The following CDS2 variants were observed in gnomAD, a reference collection of about 807,000 sequenced individuals.
CDS2 encodes the protein CDP-diacylglycerol synthase 2.
CDS2 carries 47 observed loss-of-function variants against 59.0 expected under a neutral mutation model. The ratio of observed to expected loss-of-function variants is 0.80; its 90% CI spans 0.63 to 1.02. The LOEUF (loss-of-function observed/expected upper bound fraction) is 1.02, where lower values mean the gene tolerates loss of function less well. Ranked by LOEUF, CDS2 falls within the 50% of genes least tolerant of loss-of-function variation. The pLI, the probability that CDS2 is intolerant of heterozygous loss-of-function variation, is 0.00. For missense variants in CDS2, 356 were observed against 558.9 expected (o/e 0.64, Z 3.66); for synonymous variants, 207 against 206.4 (o/e 1.00, Z -0.02).
intron 1 of CDS2, among the ~76,000 whole-genome samples, chr20:5,131,458 A>G (rs139282424): frequency 6.6e-6 from 1 of 152,334 alleles, no homozygotes; most frequent in African/African-American, 2.4e-5. Context: ...AGGATGAGAT[A>G]TGGTCTGAAA....
intron 1 of CDS2, among the ~76,000 whole-genome samples, chr20:5,151,163 A>G (rs6053162): frequency 0.027 from 4,062 of 152,320 alleles, 74 homozygotes; most frequent in East Asian, 0.08. Flanking sequence ...TAGTGTTGAA[A>G]TGCCACCTTA....
In CDS2 at chr20:5,193,012, G is replaced by C. The variant is rs1291197371; in HGVS notation, c.*2778G>C. ...AGCTTTCCTTCCCTCTAGCTCAGGA[G>C]GCCTGGCCTGAGCCAGGTTGGAGCT... On this transcript the variant is annotated 3_prime_UTR_variant, in exon 13 of 13. Transcript: ENST00000460006. 1 of 152,254 alleles carries C rather than the reference G, an allele frequency of 6.6e-6. No homozygotes were observed. The highest frequency in any genetic ancestry group is 1.5e-5 in the Non-Finnish European group (1 of 68,078). The allele number at this position is 152,254 out of a possible 1,614,324, so 9.4% of individuals were successfully genotyped here. A position where few individuals can be genotyped will look rare whatever the true frequency, so the allele number is the denominator to read the frequency against.
In CDS2 at chr20:5,178,832, T is replaced by G; in HGVS notation, c.405T>G (p.Cys135Trp). The G allele has an allele frequency of 6.2e-7, 1 of 1,614,218 alleles. No individual in the cohort carries two copies. The highest frequency in any genetic ancestry group is 1.7e-5 in the Admixed American group (1 of 60,030). ...FRTLSWYFLL[C>W]VNYFFYGETV... Reference sequence around the variant, plus strand: ...TCATTTACAGGTACTTTCTCCTGTGTGTAAACTATTTCTTCTATGGTGAGA... The same window carrying G: ...TCATTTACAGGTACTTTCTCCTGTGGGTAAACTATTTCTTCTATGGTGAGA... Residue 135 changes from cysteine (C) to tryptophan (W), a missense_variant, in exon 5 of 13, where the codon TGT becomes TGG. Transcript: ENST00000460006.
At chr20:5,169,178 A>G (rs1600499366) in intron 1 of CDS2, among the ~76,000 whole-genome samples, 2 of 152,182 alleles carry the variant, frequency 1.3e-5, no homozygotes, top group Non-Finnish European at 2.9e-5. Flanking sequence ...GCGGTGGTTG[A>G]GAGAGAACCT....
intron 1 of CDS2, among the ~76,000 whole-genome samples, chr20:5,134,176 C>T (rs1001077016): frequency 9.2e-5 from 14 of 152,188 alleles, no homozygotes; most frequent in African/African-American, 2.4e-4. Flanking sequence ...AAGGCACTCC[C>T]GGCGCAGTGC....
At chr20:5,176,480 T>C (rs905690711) in intron 3 of CDS2, 168 bp from the exon 4 acceptor site, 4 of 620,928 alleles carry the variant, frequency 6.4e-6, no homozygotes, top group African/African-American at 5.5e-5. Flanking sequence ...GAGGGCTGCA[T>C]TGCTCTGTGG....
In CDS2 at chr20:5,189,822, A is replaced by G; in HGVS notation, c.1189A>G (p.Ile397Val). Residue 397 changes from isoleucine to valine, a missense_variant, in exon 12 of 13, where the codon ATC becomes GTC. Physicochemically the swap from Ile to Val is conservative, Grantham distance 29 (BLOSUM62 3). This residue lies in a region of CDS2 where 41 missense variants were observed against 104.4 expected (regional missense o/e 0.39). Transcript: ENST00000460006. ...GATGGCCACCTTTGTCAATGTATAC[A>G]TCGCCAGTTTTATCAGGTATAGTAC... is the stretch of plus-strand genomic sequence containing the variant. ...YLMATFVNVY[I>V]ASFIRGPNPS... The G allele has an allele frequency of 6.2e-7, 1 of 1,613,652 alleles. No individual in the cohort carries two copies.
intron 1 of CDS2, 68 bp downstream of exon 1, chr20:5,127,217 C>T: frequency 7.5e-7 from 1 of 1,331,790 alleles, no homozygotes; most frequent in Non-Finnish European, 1.0e-6. Flanking sequence ...GGGGGACGCG[C>T]GCAGAGGGGT....
At chr20:5,136,259 G>C (rs762459611) in intron 1 of CDS2, among the ~76,000 whole-genome samples, 1 of 152,150 alleles carries the variant, frequency 6.6e-6, no homozygotes, top group African/African-American at 2.4e-5. Flanking sequence ...TCTCAAATCT[G>C]AATTCTCTCA....
Position 5,184,973 on chromosome 20 carries a change from C to G in CDS2, c.759+28C>G, listed in dbSNP as rs757413433. The stretch of plus-strand genomic sequence containing the variant: ...AAATGGATTACCCTAATGTGAAATA[C>G]CACTGTGAGGGGAGGGTGGTGCTCT... On this transcript the variant is annotated intron_variant, in intron 8 of 12. Transcript: ENST00000460006. The surrounding 1 kb of genome is among the most constrained non-coding windows in gnomAD (Gnocchi z 4.3). 6.7e-7 allele frequency: 1 copy of G among 1,500,070 alleles called. No homozygotes were observed. Among genetic ancestry groups the G allele is most frequent in the Admixed American group, 1.7e-5 (1 of 59,864 alleles). 92.9% of individuals were successfully genotyped at this position (1,500,070 alleles called of 1,614,324 possible). A position where few individuals can be genotyped will look rare whatever the true frequency, so the allele number is the denominator to read the frequency against.
intron 1 of CDS2, among the ~76,000 whole-genome samples, chr20:5,136,249 T>A (rs1199075112): frequency 6.6e-6 from 1 of 152,160 alleles, no homozygotes; most frequent in African/African-American, 2.4e-5. Flanking sequence ...ACTGACTTTG[T>A]CTCAAATCTG....
At position 5,193,815 on chromosome 20, in the gene CDS2, A is replaced by C. The variant is rs2091136202; in HGVS notation, c.*3581A>C. On this transcript the variant is annotated 3_prime_UTR_variant, in exon 13 of 13. Coordinates refer to ENST00000460006, the MANE Select transcript of CDS2 (RefSeq NM_003818.4). The stretch of plus-strand genomic sequence containing the variant: ...GGGGGTAGATTTTCATCACCCTACT[A>C]AATGTGGTATGTCACTGCTGAAGCC... 1 of 152,218 alleles carries C rather than the reference A, an allele frequency of 6.6e-6. No individual in the cohort carries two copies. Among genetic ancestry groups the C allele is most frequent in the African/African-American group, 2.4e-5 (1 of 41,450 alleles). 9.4% of individuals were successfully genotyped at this position (152,218 alleles called of 1,614,324 possible).
chr20:5,192,471 A>C lies in CDS2; in HGVS notation c.*2237A>C, dbSNP rs1319290905. 1 of 152,364 alleles carries C rather than the reference A, an allele frequency of 6.6e-6. No individual in the cohort carries two copies. The highest frequency in any genetic ancestry group is 1.5e-5 in the Non-Finnish European group (1 of 68,206). 9.4% of individuals were successfully genotyped at this position (152,364 alleles called of 1,614,324 possible). On this transcript the variant is annotated 3_prime_UTR_variant, in exon 13 of 13. Coordinates refer to ENST00000460006, the MANE Select transcript of CDS2 (RefSeq NM_003818.4). The stretch of plus-strand genomic sequence containing the variant: ...TTCTCCTGCATGCTTTCTGGAGATG[A>C]GGATTTTTTGTCAGGTAGCTAGGAG...
At chr20:5,133,064 A>G (rs2090620875) in intron 1 of CDS2, among the ~76,000 whole-genome samples, 2 of 151,470 alleles carry the variant, frequency 1.3e-5, no homozygotes, top group South Asian at 4.2e-4. Context: ...CCAGCTACTC[A>G]GGAGGCTGAG....
chr20:5,171,359 T>G (rs1020560500), intron 1 of CDS2, among the ~76,000 whole-genome samples: 5 of 152,178 alleles, frequency 3.3e-5, no homozygotes, highest in Admixed American at 6.5e-5. Flanking sequence ...GTGAGTGCCC[T>G]CTCCCCTGCT....
chr20:5,127,343 G>T (rs913723678), intron 1 of CDS2, among the ~76,000 whole-genome samples, 194 bp downstream of exon 1: 6 of 152,184 alleles, frequency 3.9e-5, no homozygotes, highest in African/African-American at 1.4e-4. Flanking sequence ...GCGGGTCGGG[G>T]TCCCGGCTCA....
rs554028720 is a variant in CDS2, at chr20:5,165,182, T to C, written c.58-8341T>C. Among the ~76,000 whole-genome samples, 7 of 152,310 alleles carry C rather than the reference T, an allele frequency of 4.6e-5. No homozygotes were observed. The South Asian group carries it at 1.5e-3, about 32-fold the overall frequency. On this transcript the variant is annotated intron_variant, in intron 1 of 12. Transcript: ENST00000460006. The stretch of plus-strand genomic sequence containing the variant: ...TCAGACAGGATTTCCTCATCCTTTC[T>C]GAGACATACAGATTCTGTACTTTTT...
Position 5,190,561 on chromosome 20 carries a change from C to A in CDS2, c.*327C>A, listed in dbSNP as rs1234349674. 5.6e-6 allele frequency: 1 copy of A among 179,244 alleles called. No individual in the cohort carries two copies. The highest frequency in any genetic ancestry group is 1.2e-5 in the Non-Finnish European group (1 of 85,820). 11.1% of individuals were successfully genotyped at this position (179,244 alleles called of 1,614,324 possible). Reference sequence around the variant, plus strand: ...GAGTGTTTTCTTGGTGGTTCCAGCCCCCATCAATTGAACTGTTTCTGGGCT... The same window carrying A: ...GAGTGTTTTCTTGGTGGTTCCAGCCACCATCAATTGAACTGTTTCTGGGCT... On this transcript the variant is annotated 3_prime_UTR_variant, in exon 13 of 13. Coordinates refer to ENST00000460006, the MANE Select transcript of CDS2 (RefSeq NM_003818.4).
intron 4 of CDS2, among the ~76,000 whole-genome samples, chr20:5,177,441 C>T (rs924932431): frequency 6.6e-6 from 1 of 152,072 alleles, no homozygotes; most frequent in Non-Finnish European, 1.5e-5. Flanking sequence ...GGAAAGTTGG[C>T]TTTCTCCGTT....
Sources: allele counts gnomAD v4.1 joint callset (sites outside exome capture counted in the v4.1 genomes callset), GRCh38; gene constraint gnomAD v4.1.1; regional missense constraint gnomAD v4.1.1; non-coding constraint Gnocchi (gnomAD v3.1); transcripts MANE v1.5; gene names NCBI Gene and HGNC (gene_info 2026-07-23, HGNC 2026-07-21).